Variants in PNPLA7 observed in about 807,000 individuals in gnomAD.
PNPLA7 encodes the protein patatin like domain 7, lysophospholipase.
Under a neutral mutation model 161.7 loss-of-function variants are expected in PNPLA7, and 153 were observed. The ratio of observed to expected loss-of-function variants is 0.95; its 90% CI spans 0.83 to 1.08. The LOEUF (loss-of-function observed/expected upper bound fraction) is 1.08. Among genes scored for constraint, PNPLA7 ranks in the 50% least tolerant of loss-of-function variants. The pLI is 0.00. For missense variants in PNPLA7, 1,739 were observed against 1,856.6 expected, an observed-to-expected ratio of 0.94 and a Z score of 1.16; for synonymous variants, 809 against 782.1, an observed-to-expected ratio of 1.03 and a Z score of -0.57.
chr9:137,462,087 C>T, intron 31 of PNPLA7, 46 bp from the exon 32 acceptor site: 1 of 1,526,924 alleles, frequency 6.5e-7, no homozygotes, highest in Non-Finnish European at 8.8e-7. Flanking sequence ...GGGAGCCCCC[C>T]ACTTCCTGTG....
At position 137,461,943 on chromosome 9, in the gene PNPLA7, C is replaced by T. The variant is rs756121643; in HGVS notation, c.3744G>A (p.Lys1248=). The change falls in exon 32 of 35, where the codon AAG becomes AAA. Residue 1248 remains lysine, a synonymous_variant. Coordinates refer to ENST00000406427, the MANE Select transcript of PNPLA7 (RefSeq NM_001098537.3). ...CGCCCGTACTCACCGCACTCGCGGG[C>T]TTCTTGCTCGGCCCCTGCTGGTCGC... ...MLRDQQGPSK[K]PASAVLTCPN... 2.0e-5 allele frequency: 32 copies of T among 1,578,754 alleles called. No individual in the cohort carries two copies. Among genetic ancestry groups the T allele is most frequent in the East Asian group, 7.0e-5 (3 of 42,824 alleles).
rs751678282 is a variant in PNPLA7 at position 137,478,072 on chromosome 9, G to T, written c.2844C>A (p.Gly948=). Residue 948 remains glycine, a synonymous_variant, in exon 25 of 35, where the codon GGC becomes GGA. Transcript: ENST00000406427. ...DFSRLARVLT[G]NAIALVLGGG... ...CCCCAAGCACCAGGGCAATGGCGTT[G>T]CCCGTCAGCACCCTCGCCAGGCGGG... 2.8e-6 allele frequency: 4 copies of T among 1,415,706 alleles called. No individual in the cohort carries two copies. In the Admixed American group the frequency reaches 1.2e-4, roughly 42 times the overall value. 87.7% of individuals were successfully genotyped at this position (1,415,706 alleles called of 1,614,324 possible). A position where few individuals can be genotyped will look rare whatever the true frequency, so the allele number is the denominator to read the frequency against.
intron 26 of PNPLA7, among the ~76,000 whole-genome samples, chr9:137,465,749 C>T (rs1228300743): frequency 2.0e-5 from 3 of 152,126 alleles, no homozygotes; most frequent in South Asian, 2.1e-4. Context: ...CAGGGGGTGA[C>T]GAATTTTCTT....
intron 29 of PNPLA7, 33 bp downstream of exon 29, chr9:137,463,382 C>T: frequency 1.3e-6 from 2 of 1,557,508 alleles, no homozygotes; most frequent in Non-Finnish European, 1.8e-6. Flanking sequence ...GGAGCCTGTG[C>T]TCCTGCCGGG....
At chr9:137,494,377 G>C (rs2132237940) in intron 19 of PNPLA7, among the ~76,000 whole-genome samples, 1 of 152,126 alleles carries the variant, frequency 6.6e-6, no homozygotes, top group East Asian at 1.9e-4. Context: ...GAAGCAGCCT[G>C]GGCGCCTCTC....
intron 14 of PNPLA7, among the ~76,000 whole-genome samples, chr9:137,502,850 A>C (rs1833564976): frequency 6.6e-6 from 1 of 150,690 alleles, no homozygotes; most frequent in African/African-American, 2.5e-5. Context: ...TTAAGTATTC[A>C]GAAATGATAA....
chr9:137,510,675 TTTCTC>T (rs1834175836), intron 12 of PNPLA7, among the ~76,000 whole-genome samples: 1 of 152,184 alleles, frequency 6.6e-6, no homozygotes, highest in African/African-American at 2.4e-5. Context: ...CCAGCTGCCT[TTTCTC>T]TTATCTCTTT....
Position 137,495,219 on chromosome 9 carries a change from C to T in PNPLA7, c.2014-73G>A. The T allele has an allele frequency of 7.4e-6, 8 of 1,088,238 alleles. No homozygotes were observed. The South Asian group carries it at 1.0e-4, about 14-fold the overall frequency. 67.4% of individuals were successfully genotyped at this position (1,088,238 alleles called of 1,614,324 possible). A position where few individuals can be genotyped will look rare whatever the true frequency, so the allele number is the denominator to read the frequency against. On this transcript the variant is annotated intron_variant, in intron 18 of 34. Coordinates refer to ENST00000406427, the MANE Select transcript of PNPLA7 (RefSeq NM_001098537.3). ...GCCAGCTGGACCTGTCCCTGACAGC[C>T]TCCGGTGCCTGCCAGAGCCACACAT...
At chr9:137,471,472 A>G (rs1441852008) in intron 25 of PNPLA7, among the ~76,000 whole-genome samples, 3 of 148,582 alleles carry the variant, frequency 2.0e-5, no homozygotes, top group Admixed American at 6.8e-5. Context: ...GGTGGCAGGC[A>G]CCTGTAATCC....
At chr9:137,497,350 GCCTCA>G in intron 17 of PNPLA7, 40 bp from the exon 18 acceptor site, 1 of 1,462,668 alleles carries the variant, frequency 6.8e-7, no homozygotes. Context: ...TGGGCCCCCA[GCCTCA>G]GCCTCCACAC....
chr9:137,499,961 C>T lies in PNPLA7; in HGVS notation c.1757+730G>A, dbSNP rs570017137. ...ACAGAACGGCTCAAGCCACCAGAGG[C>T]GAGAGCTGGGGTTAAACTGAACCCC... On this transcript the variant is annotated intron_variant, in intron 16 of 34. Coordinates refer to ENST00000406427, the MANE Select transcript of PNPLA7 (RefSeq NM_001098537.3). The surrounding 1 kb of genome is among the most constrained non-coding windows in gnomAD (Gnocchi z 5.5). 2.6e-5 allele frequency among the ~76,000 whole-genome samples: 4 copies of T among 152,320 alleles called. No homozygotes were observed. Among genetic ancestry groups the T allele is most frequent in the East Asian group, 3.9e-4 (2 of 5,186 alleles).
intron 12 of PNPLA7, among the ~76,000 whole-genome samples, chr9:137,510,815 CGGAA>C (rs1564334667): frequency 6.6e-6 from 1 of 152,118 alleles, no homozygotes; most frequent in Admixed American, 6.6e-5. Context: ...CCCGTGTGGG[CGGAA>C]AGTCACCCAG....
chr9:137,478,672 G>A (rs910491989), intron 24 of PNPLA7: 1 of 190,840 alleles, frequency 5.2e-6, no homozygotes, highest in African/African-American at 2.3e-5. Flanking sequence ...CTCATCAGCT[G>A]GATGTGGGGG....
chr9:137,500,702 G>A lies in PNPLA7; in HGVS notation c.1746C>T (p.Ala582=), dbSNP rs780434052. The A allele has an allele frequency of 5.0e-6, 8 of 1,612,320 alleles. No homozygotes were observed. The highest frequency in any genetic ancestry group is 6.8e-6 in the Non-Finnish European group (8 of 1,179,826). ...RDCSFLSISK[A]HFYEIMRKQP... is the part of the protein sequence containing the mutation. Reference sequence around the variant, plus strand: ...CCCGTGGGACTCACTCATAGAAGTGGGCCTTGGAGATGGACAGGAAGCTGC... The same window carrying A: ...CCCGTGGGACTCACTCATAGAAGTGAGCCTTGGAGATGGACAGGAAGCTGC... The change falls in exon 16 of 35, where the codon GCC becomes GCT. Residue 582 remains alanine, a synonymous_variant. Coordinates refer to ENST00000406427, the MANE Select transcript of PNPLA7 (RefSeq NM_001098537.3). The surrounding 1 kb of genome is among the most constrained non-coding windows in gnomAD (Gnocchi z 5.5).
rs904165636 is a variant in PNPLA7 at position 137,499,049 on chromosome 9, TGGA to T, written c.1758-807_1758-805del. The stretch of plus-strand genomic sequence containing the variant: ...AGCGTGGCACTTAGAGCCCTGGGGG[TGGA>T]GGAGGAGCCCTGGGATGCTGGCTGG... On this transcript the variant is annotated intron_variant, in intron 16 of 34. Coordinates refer to ENST00000406427, the MANE Select transcript of PNPLA7 (RefSeq NM_001098537.3). This position sits in a 1 kb window ranked among gnomAD's most constrained non-coding sequence, Gnocchi z 5.5. 4.2e-5 allele frequency among the ~76,000 whole-genome samples: 6 copies of T among 144,300 alleles called. No individual in the cohort carries two copies. The highest frequency in any genetic ancestry group is 1.6e-4 in the African/African-American group (6 of 38,624). The allele number at this position is 144,300 out of a possible 152,430, so 94.7% of individuals were successfully genotyped here.
intron 25 of PNPLA7, among the ~76,000 whole-genome samples, chr9:137,470,433 C>A (rs1039020344): frequency 1.3e-5 from 2 of 152,134 alleles, no homozygotes; most frequent in Admixed American, 6.5e-5. Context: ...GTTACAGATT[C>A]CATTTCTGGC....
In PNPLA7 at chr9:137,461,953, G is replaced by T. The variant is rs758641350; in HGVS notation, c.3734C>A (p.Pro1245Gln). ...CACCGCACTCGCGGGCTTCTTGCTC[G>T]GCCCCTGCTGGTCGCGGAGCATCTT... Reference protein sequence around the residue: ...LEKMLRDQQGPSKKPASAVLT... With the variant: ...LEKMLRDQQGQSKKPASAVLT... Residue 1245 changes from proline to glutamine, a missense_variant, in exon 32 of 35, where the codon CCG (proline) becomes CAG (glutamine). Pro to Gln is a moderately conservative substitution (Grantham distance 76). Transcript: ENST00000406427. The T allele has an allele frequency of 6.9e-5, 110 of 1,588,222 alleles. No homozygotes were observed. Among genetic ancestry groups the T allele is most frequent in the Non-Finnish European group, 8.4e-5 (99 of 1,171,750 alleles).
intron 12 of PNPLA7, among the ~76,000 whole-genome samples, chr9:137,511,725 G>A (rs776616963): frequency 4.1e-4 from 62 of 152,220 alleles, no homozygotes; most frequent in Non-Finnish European, 1.8e-4. Context: ...CAGTGGTCAC[G>A]CTCCTTGTCC....
intron 14 of PNPLA7, among the ~76,000 whole-genome samples, chr9:137,503,807 A>AAT (rs1319645550): frequency 8.2e-5 from 5 of 60,850 alleles, no homozygotes; most frequent in East Asian, 4.4e-4. Context: ...AGAAGGAAGA[A>AAT]GGAAGAAGAT....
Sources: allele counts gnomAD v4.1 joint callset (sites outside exome capture counted in the v4.1 genomes callset), GRCh38; gene constraint gnomAD v4.1.1; non-coding constraint Gnocchi (gnomAD v3.1); transcripts MANE v1.5; gene names NCBI Gene and HGNC (gene_info 2026-07-23, HGNC 2026-07-21).